PTPRR: variants seen among roughly 807,000 people sequenced by gnomAD.
The protein encoded by PTPRR is protein tyrosine phosphatase receptor type R.
A neutral mutation model predicts 77.2 loss-of-function variants in PTPRR; 38 were observed. The observed-to-expected ratio is 0.49, with a 90% CI of 0.38 to 0.65. The LOEUF is 0.65. Among genes scored for constraint, PTPRR ranks in the 30% least tolerant of loss-of-function variants. The pLI is 0.00. For missense variants in PTPRR, 744 were observed against 799.2 expected (o/e 0.93, Z 0.83); for synonymous variants, 299 against 283.1 (o/e 1.06, Z -0.57).
intron 2 of PTPRR, among the ~76,000 whole-genome samples, chr12:70,886,776 T>A (rs888434725): frequency 2.0e-5 from 3 of 152,226 alleles, no homozygotes; most frequent in Admixed American, 6.5e-5. Context: ...TTTTGAATTG[T>A]GTTTCTTTTG....
At chr12:70,895,471 C>T (rs957875644) in intron 1 of PTPRR, among the ~76,000 whole-genome samples, 3 of 151,364 alleles carry the variant, frequency 2.0e-5, no homozygotes, top group Admixed American at 1.3e-4. Context: ...AATTTTCCAA[C>T]CTTATCCACT....
At chr12:70,803,513 T>C (rs1246265047) in intron 2 of PTPRR, among the ~76,000 whole-genome samples, 1 of 152,118 alleles carries the variant, frequency 6.6e-6, no homozygotes, top group Non-Finnish European at 1.5e-5. Context: ...ACTTGAAGCT[T>C]GTGGTAAAAA....
intron 2 of PTPRR, among the ~76,000 whole-genome samples, chr12:70,780,676 C>T (rs1891185584): frequency 6.6e-6 from 1 of 152,126 alleles, no homozygotes; most frequent in Admixed American, 6.5e-5. Context: ...ATAACTACCA[C>T]ATTTCTATGG....
chr12:70,774,309 T>C (rs763392449), intron 2 of PTPRR, among the ~76,000 whole-genome samples: 1 of 152,038 alleles, frequency 6.6e-6, no homozygotes, highest in Non-Finnish European at 1.5e-5. Flanking sequence ...CTCAAGGGGG[T>C]TGTGTACACA....
At chr12:70,896,087 A>G (rs1893422947) in intron 1 of PTPRR, among the ~76,000 whole-genome samples, 1 of 151,722 alleles carries the variant, frequency 6.6e-6, no homozygotes, top group African/African-American at 2.4e-5. Flanking sequence ...ACCTGGAGTG[A>G]CTATATTAAT....
chr12:70,709,510 G>A (rs184250110), intron 6 of PTPRR, among the ~76,000 whole-genome samples: 2 of 152,272 alleles, frequency 1.3e-5, no homozygotes, highest in Admixed American at 6.5e-5. Flanking sequence ...AATAGGAAAA[G>A]AGGAAGTAAA....
At chr12:70,803,328 A>G (rs1891649605) in intron 2 of PTPRR, among the ~76,000 whole-genome samples, 1 of 152,226 alleles carries the variant, frequency 6.6e-6, no homozygotes, top group African/African-American at 2.4e-5. Context: ...TAGCACCTGC[A>G]GATCACAGAA....
intron 2 of PTPRR, among the ~76,000 whole-genome samples, chr12:70,818,806 A>C (rs1193398212): frequency 1.3e-5 from 2 of 148,546 alleles, no homozygotes; most frequent in African/African-American, 5.2e-5. Context: ...TGATTTAAAA[A>C]CTCACTTCAC....
chr12:70,732,769 C>T (rs1394336088), intron 6 of PTPRR, among the ~76,000 whole-genome samples: 1 of 152,092 alleles, frequency 6.6e-6, no homozygotes, highest in Non-Finnish European at 1.5e-5. Flanking sequence ...CCATGTTGGC[C>T]AAGCTGGTCT....
intron 2 of PTPRR, among the ~76,000 whole-genome samples, chr12:70,819,869 T>C (rs1891973729): frequency 6.6e-6 from 1 of 152,090 alleles, no homozygotes. Context: ...AATGTAAAGA[T>C]ATTTTCTGTG....
chr12:70,782,589 A>G (rs561044570), intron 2 of PTPRR, among the ~76,000 whole-genome samples: 1 of 152,192 alleles, frequency 6.6e-6, no homozygotes, highest in African/African-American at 2.4e-5. Flanking sequence ...TATCACAAGG[A>G]CAAAAAACCA....
chr12:70,691,115 C>T (rs1049385527), intron 8 of PTPRR, among the ~76,000 whole-genome samples: 1 of 152,084 alleles, frequency 6.6e-6, no homozygotes, highest in Admixed American at 6.5e-5. Context: ...GTTTATTATA[C>T]ACACACTTCC....
At chr12:70,832,401 A>C (rs1189974693) in intron 2 of PTPRR, among the ~76,000 whole-genome samples, 1 of 152,158 alleles carries the variant, frequency 6.6e-6, no homozygotes, top group South Asian at 2.1e-4. Context: ...TTTAAATGCT[A>C]TCTTAATTTT....
intron 7 of PTPRR, 41 bp downstream of exon 7, chr12:70,701,096 A>G (rs1371547337): frequency 1.2e-6 from 2 of 1,607,022 alleles, no homozygotes; most frequent in African/African-American, 1.3e-5. Flanking sequence ...CCCATGTATC[A>G]AAATACCGAC....
chr12:70,672,117 C>T, intron 10 of PTPRR: 1 of 1,395,448 alleles, frequency 7.2e-7, no homozygotes, highest in Non-Finnish European at 1.0e-6. Flanking sequence ...AAAATGATGA[C>T]ACAGTTCCTA....
chr12:70,696,306 C>T (rs1303903819), intron 8 of PTPRR, among the ~76,000 whole-genome samples: 1 of 151,926 alleles, frequency 6.6e-6, no homozygotes, highest in Non-Finnish European at 1.5e-5. Flanking sequence ...ATATGACTCT[C>T]GTTTCTAGTC....
At chr12:70,770,405 A>G (rs533872609) in intron 2 of PTPRR, among the ~76,000 whole-genome samples, 2 of 152,318 alleles carry the variant, frequency 1.3e-5, no homozygotes, top group East Asian at 3.9e-4. Flanking sequence ...AGACACATGA[A>G]AAAATGCTCA....
At chr12:70,780,223 C>G (rs981850423) in intron 2 of PTPRR, among the ~76,000 whole-genome samples, 11 of 152,130 alleles carry the variant, frequency 7.2e-5, no homozygotes, top group Admixed American at 7.2e-4. Context: ...ATCTCTTGAC[C>G]TTGTGATCCA....
chr12:70,685,572 C>A (rs1000548036), intron 8 of PTPRR, among the ~76,000 whole-genome samples: 6 of 151,492 alleles, frequency 4.0e-5, no homozygotes, highest in African/African-American at 1.5e-4. Context: ...ATTGCTTGAA[C>A]CCGAAAGGCC....
Sources: gnomAD v4.1 joint callset for allele counts (sites outside exome capture counted in the v4.1 genomes callset) on GRCh38, gnomAD v4.1.1 for gene constraint, MANE v1.5 for transcripts, NCBI Gene and HGNC (gene_info 2026-07-23, HGNC 2026-07-21) for gene names.